Variants in PRKCH observed in about 807,000 individuals in gnomAD.
PRKCH encodes the protein protein kinase C eta.
Under a neutral mutation model 82.5 loss-of-function variants are expected in PRKCH, and 28 were observed. That is an observed-to-expected ratio of 0.34 (90% CI 0.25 to 0.47). The LOEUF (loss-of-function observed/expected upper bound fraction) is 0.47. PRKCH is among the 20% of genes least tolerant of loss of function. PRKCH has a pLI of 1.00. For synonymous variants in PRKCH, 322 were observed against 327.4 expected (o/e 0.98, Z 0.18); for missense variants, 705 against 881.8 (o/e 0.80, Z 2.54).
intron 9 of PRKCH, among the ~76,000 whole-genome samples, chr14:61,474,893 C>G (rs1262905740): frequency 1.3e-5 from 2 of 152,142 alleles, no homozygotes; most frequent in Admixed American, 6.5e-5. Flanking sequence ...GCACTGCAGA[C>G]AGGGGGAGAG....
chr14:61,353,807 C>T (rs890893748), intron 1 of PRKCH: 3 of 152,142 alleles, frequency 2.0e-5, no homozygotes, highest in African/African-American at 7.2e-5. Flanking sequence ...CATGGTGGCA[C>T]ATGACTGTGG....
At chr14:61,351,757 A>G (rs558363143) in intron 1 of PRKCH, among the ~76,000 whole-genome samples, 9 of 152,190 alleles carry the variant, frequency 5.9e-5, no homozygotes, top group Admixed American at 2.0e-4. Context: ...TGCACTTGGC[A>G]TGCTGTGGCT....
chr14:61,508,734 A>G (rs748473599), intron 10 of PRKCH, among the ~76,000 whole-genome samples: 1 of 152,118 alleles, frequency 6.6e-6, no homozygotes, highest in Non-Finnish European at 1.5e-5. Flanking sequence ...CCAATATCAC[A>G]TATGGTAAGG....
At chr14:61,427,148 A>G (rs1400787377) in intron 2 of PRKCH, among the ~76,000 whole-genome samples, 2 of 152,198 alleles carry the variant, frequency 1.3e-5, no homozygotes, top group African/African-American at 4.8e-5. Context: ...GGACAACTTG[A>G]AGCAAGGGGT....
intron 1 of PRKCH, among the ~76,000 whole-genome samples, chr14:61,200,711 TGAGAGA>T (rs777986995): frequency 4.6e-5 from 7 of 150,726 alleles, no homozygotes; most frequent in African/African-American, 1.7e-4. Flanking sequence ...TAAGATATTT[TGAGAGA>T]GAGAGAGAGA....
At chr14:61,338,072 C>G (rs2045881472) in intron 1 of PRKCH, among the ~76,000 whole-genome samples, 1 of 152,144 alleles carries the variant, frequency 6.6e-6, no homozygotes, top group South Asian at 2.1e-4. Context: ...GCTGCTGTTG[C>G]AAATGTCTGG....
At chr14:61,423,381 G>T (rs1001972641) in intron 2 of PRKCH, among the ~76,000 whole-genome samples, 1 of 152,170 alleles carries the variant, frequency 6.6e-6, no homozygotes, top group Non-Finnish European at 1.5e-5. Flanking sequence ...GAGGGTAAAA[G>T]GCAGAAATAC....
chr14:61,268,820 A>G (rs1185269734), intron 1 of PRKCH, among the ~76,000 whole-genome samples: 2 of 152,222 alleles, frequency 1.3e-5, no homozygotes, highest in Non-Finnish European at 2.9e-5. Flanking sequence ...CTAACTGGGC[A>G]TACTTAATTT....
At chr14:61,342,958 AG>A (rs2045946622) in intron 1 of PRKCH, among the ~76,000 whole-genome samples, 3 of 152,246 alleles carry the variant, frequency 2.0e-5, no homozygotes, top group African/African-American at 7.2e-5. Flanking sequence ...AAGATAGCCA[AG>A]GAAGTGTCAT....
intron 1 of PRKCH, among the ~76,000 whole-genome samples, chr14:61,228,947 G>A (rs1259662923): frequency 1.3e-5 from 2 of 151,922 alleles, no homozygotes; most frequent in East Asian, 3.9e-4. Flanking sequence ...GAGTATTGGG[G>A]CAGTGGCTGG....
At chr14:61,250,278 T>TAAATAAAC (rs2044933501) in intron 1 of PRKCH, among the ~76,000 whole-genome samples, 1 of 149,170 alleles carries the variant, frequency 6.7e-6, no homozygotes, top group Admixed American at 6.7e-5. Context: ...AATAAATAAA[T>TAAATAAAC]AAATCTGGAC....
intron 2 of PRKCH, among the ~76,000 whole-genome samples, chr14:61,414,901 T>G (rs1240618701): frequency 6.6e-6 from 1 of 152,230 alleles, no homozygotes; most frequent in Non-Finnish European, 1.5e-5. Context: ...TGATTCTGTT[T>G]CTATCCCTTT....
chr14:61,280,616 G>T lies in PRKCH; in HGVS notation c.-19+92948G>T. 1 of 1,581,342 alleles carries T rather than the reference G, an allele frequency of 6.3e-7. No homozygotes were observed. The highest frequency in any genetic ancestry group is 2.3e-5 in the East Asian group (1 of 42,906). ...TAGGGCCCGCCGGGCTGGCGCTGGT[G>T]CCAAAGCGAGAAGGAGTCGTTGAAG... is the stretch of plus-strand genomic sequence containing the variant. On this transcript the variant is annotated intron_variant, in intron 1 of 3. Coordinates refer to the PRKCH transcript ENST00000555185. This position sits in a 1 kb window ranked among gnomAD's most constrained non-coding sequence, Gnocchi z 5.0.
At chr14:61,397,932 T>G (rs1255737802) in intron 2 of PRKCH, among the ~76,000 whole-genome samples, 1 of 152,198 alleles carries the variant, frequency 6.6e-6, no homozygotes, top group Non-Finnish European at 1.5e-5. Context: ...AAAACTCTTT[T>G]ACATTCATTG....
In PRKCH at chr14:61,280,385, G is replaced by T. The variant is rs756504611; in HGVS notation, c.-19+92717G>T. The T allele has an allele frequency of 1.2e-6, 2 of 1,614,004 alleles. No homozygotes were observed. The highest frequency in any genetic ancestry group is 2.2e-5 in the South Asian group (2 of 91,082). ...CGGAACGTGGGCAGCGCCGCCGTGC[G>T]CATCCACACCACGAAGTCCTGATTG... On this transcript the variant is annotated intron_variant, in intron 1 of 3. Transcript: ENST00000555185. This position sits in a 1 kb window ranked among gnomAD's most constrained non-coding sequence, Gnocchi z 5.0.
chr14:61,268,811 T>C (rs2045126828), intron 1 of PRKCH, among the ~76,000 whole-genome samples: 1 of 152,190 alleles, frequency 6.6e-6, no homozygotes, highest in South Asian at 2.1e-4. Context: ...CATAGAATGC[T>C]AACTGGGCAT....
At chr14:61,511,252 C>G (rs1887363399) in intron 10 of PRKCH, among the ~76,000 whole-genome samples, 2 of 152,186 alleles carry the variant, frequency 1.3e-5, no homozygotes, top group African/African-American at 2.4e-5. Context: ...AATTATTAAA[C>G]CTGTGGTTCT....
chr14:61,395,660 T>C (rs1260072322), intron 2 of PRKCH, among the ~76,000 whole-genome samples: 1 of 152,206 alleles, frequency 6.6e-6, no homozygotes, highest in Non-Finnish European at 1.5e-5. Flanking sequence ...TAAAGTACTA[T>C]ATGAAGGTAT....
At chr14:61,536,520 T>C (rs1011344003) in intron 12 of PRKCH, among the ~76,000 whole-genome samples, 3 of 152,172 alleles carry the variant, frequency 2.0e-5, no homozygotes, top group African/African-American at 7.2e-5. Context: ...AGGGGCATCT[T>C]TCCATGGCTT....
Sources: gnomAD v4.1 joint callset for allele counts (sites outside exome capture counted in the v4.1 genomes callset) on GRCh38, gnomAD v4.1.1 for gene constraint, Gnocchi (gnomAD v3.1) non-coding constraint, MANE v1.5 for transcripts, NCBI Gene and HGNC (gene_info 2026-07-23, HGNC 2026-07-21) for gene names.